The following SLC49A4 variants were observed in gnomAD, a reference collection of about 807,000 sequenced individuals.
The protein encoded by SLC49A4 is solute carrier family 49 member 4, also known as disrupted in renal cancer protein 2.
SLC49A4 carries 36 observed loss-of-function variants against 50.6 expected under a neutral mutation model. The observed-to-expected ratio is 0.71, with a 90% CI of 0.55 to 0.94. The LOEUF is 0.94. Ranked by LOEUF, SLC49A4 falls within the 40% of genes least tolerant of loss-of-function variation. The pLI is 0.00. For missense variants in SLC49A4, 503 were observed against 605.7 expected (o/e 0.83, Z 1.78); for synonymous variants, 248 against 241.2 (o/e 1.03, Z -0.26).
intron 2 of SLC49A4, among the ~76,000 whole-genome samples, chr3:122,826,396 T>C (rs1936528934): frequency 6.6e-6 from 1 of 152,202 alleles, no homozygotes; most frequent in Admixed American, 6.5e-5. Flanking sequence ...GCTCTGCCTG[T>C]CAGCGCTTGG....
chr3:122,816,966 G>A (rs1327656906), intron 2 of SLC49A4, among the ~76,000 whole-genome samples: 7 of 152,132 alleles, frequency 4.6e-5, no homozygotes. Context: ...TAACTAAAAG[G>A]AAAACAGAAT....
At chr3:122,810,396 C>T (rs1936281971) in intron 2 of SLC49A4, among the ~76,000 whole-genome samples, 1 of 151,720 alleles carries the variant, frequency 6.6e-6, no homozygotes, top group African/African-American at 2.4e-5. Flanking sequence ...AAAATAATAC[C>T]CCAAAAAAAT....
chr3:122,852,119 G>T (rs1278254345), intron 5 of SLC49A4, among the ~76,000 whole-genome samples: 2 of 151,136 alleles, frequency 1.3e-5, no homozygotes, highest in South Asian at 2.1e-4. Flanking sequence ...AGCCTCCCCA[G>T]TAGCTGGGAC....
chr3:122,815,923 G>A (rs1000307135), intron 2 of SLC49A4, among the ~76,000 whole-genome samples: 1 of 152,142 alleles, frequency 6.6e-6, no homozygotes, highest in Admixed American at 6.5e-5. Context: ...GTAGTATCTT[G>A]GCAATACGCT....
rs184992887 is a variant in SLC49A4, at chr3:122,834,745, T to C, written c.833+1299T>C. On this transcript the variant is annotated intron_variant, in intron 4 of 8. Transcript: ENST00000261038. ...AACTAAATAAAATTGAAACAAAAAA[T>C]ACAAAAGATCAATAAAACAAAAAGT... Among the ~76,000 whole-genome samples the C allele has an allele frequency of 3.2e-4, 48 of 151,090 alleles. No individual in the cohort carries two copies. The East Asian group carries it at 8.0e-3, about 25-fold the overall frequency.
chr3:122,877,388 G>A (rs1003272293), intron 8 of SLC49A4, among the ~76,000 whole-genome samples: 1 of 152,178 alleles, frequency 6.6e-6, no homozygotes, highest in African/African-American at 2.4e-5. Context: ...ACAAACCATG[G>A]CGCTAAAGAG....
At chr3:122,801,419 CCT>C (rs1276767383) in intron 1 of SLC49A4, among the ~76,000 whole-genome samples, 3 of 151,978 alleles carry the variant, frequency 2.0e-5, no homozygotes, top group African/African-American at 7.3e-5. Flanking sequence ...GTAGAAACCC[CCT>C]CTCTACTAAA....
intron 5 of SLC49A4, among the ~76,000 whole-genome samples, chr3:122,854,473 G>C (rs1936961011): frequency 6.6e-6 from 1 of 152,222 alleles, no homozygotes; most frequent in Admixed American, 6.5e-5. Flanking sequence ...TCCTCACACT[G>C]ATTTAAGAGA....
chr3:122,865,431 A>G (rs997423330), intron 7 of SLC49A4, among the ~76,000 whole-genome samples: 3 of 152,220 alleles, frequency 2.0e-5, no homozygotes, highest in Non-Finnish European at 4.4e-5. Flanking sequence ...GCGTATTTTA[A>G]TCAGAAGTAG....
intron 4 of SLC49A4, among the ~76,000 whole-genome samples, chr3:122,844,564 C>A (rs1936822225): frequency 6.6e-6 from 1 of 152,116 alleles, no homozygotes; most frequent in African/African-American, 2.4e-5. Flanking sequence ...GGTGGATCAT[C>A]TGAGGTCAGG....
intron 7 of SLC49A4, among the ~76,000 whole-genome samples, chr3:122,861,025 A>T (rs937458513): frequency 6.6e-6 from 1 of 152,064 alleles, no homozygotes; most frequent in Non-Finnish European, 1.5e-5. Flanking sequence ...TTCACGTTGC[A>T]TTATCTGTGC....
At chr3:122,868,578 G>C (rs1937152197) in intron 7 of SLC49A4, among the ~76,000 whole-genome samples, 1 of 152,198 alleles carries the variant, frequency 6.6e-6, no homozygotes, top group South Asian at 2.1e-4. Context: ...GTCAAATTCA[G>C]ACTTGGAATA....
At chr3:122,861,912 A>G (rs1296052462) in intron 7 of SLC49A4, among the ~76,000 whole-genome samples, 2 of 152,234 alleles carry the variant, frequency 1.3e-5, no homozygotes, top group Non-Finnish European at 2.9e-5. Context: ...TCCCAGTTTC[A>G]GCATTAGATT....
chr3:122,810,326 G>T (rs1208936496), intron 2 of SLC49A4, among the ~76,000 whole-genome samples: 1 of 152,070 alleles, frequency 6.6e-6, no homozygotes, highest in East Asian at 1.9e-4. Context: ...TAACATCTTA[G>T]ATAAATAAGG....
At chr3:122,812,139 A>G (rs1018136626) in intron 2 of SLC49A4, among the ~76,000 whole-genome samples, 4 of 152,072 alleles carry the variant, frequency 2.6e-5, no homozygotes, top group Admixed American at 6.5e-5. Flanking sequence ...AATTTTTTGT[A>G]GAGACAGAGT....
chr3:122,841,024 C>G lies in SLC49A4; in HGVS notation c.834-4739C>G, dbSNP rs546764873. Among the ~76,000 whole-genome samples the G allele has an allele frequency of 7.2e-5, 11 of 152,140 alleles. No individual in the cohort carries two copies. In the East Asian group the frequency reaches 2.1e-3, roughly 29 times the overall value. ...CCATCTCTTGATCTAAAATGCTTTT[C>G]TTTTTGTACAAGGATCCAAACAGTT... On this transcript the variant is annotated intron_variant, in intron 4 of 8. Transcript: ENST00000261038.
chr3:122,812,942 A>AG (rs1051014012), intron 2 of SLC49A4, among the ~76,000 whole-genome samples: 12 of 152,098 alleles, frequency 7.9e-5, no homozygotes, highest in African/African-American at 2.9e-4. Flanking sequence ...AGCATTTAAG[A>AG]GGGAAAAAAA....
intron 2 of SLC49A4, among the ~76,000 whole-genome samples, chr3:122,821,249 G>C (rs1416526718): frequency 6.6e-6 from 1 of 152,156 alleles, no homozygotes; most frequent in African/African-American, 2.4e-5. Context: ...GCAGAGAATG[G>C]ACTAATACAC....
chr3:122,809,889 C>T (rs6774661), intron 2 of SLC49A4, among the ~76,000 whole-genome samples: 87,990 of 152,024 alleles, frequency 0.58, 26,186 homozygotes, highest in Non-Finnish European at 0.66. Flanking sequence ...GACTTCATTT[C>T]GTAGTCTTTA....
Sources: gnomAD v4.1 joint callset for allele counts (sites outside exome capture counted in the v4.1 genomes callset) on GRCh38, gnomAD v4.1.1 for gene constraint, MANE v1.5 for transcripts, NCBI Gene and HGNC (gene_info 2026-07-23, HGNC 2026-07-21) for gene names.